GIPC1: variants seen among roughly 807,000 people sequenced by gnomAD.
GIPC1 encodes GIPC PDZ domain containing family member 1, also known as PDZ domain-containing protein GIPC1.
GIPC1 carries 15 observed loss-of-function variants against 28.5 expected under a neutral mutation model. The ratio of observed to expected loss-of-function variants is 0.53; its 90% confidence interval spans 0.35 to 0.81. The LOEUF (loss-of-function observed/expected upper bound fraction) is 0.81. Among genes scored for constraint, GIPC1 ranks in the 30% least tolerant of loss-of-function variants. The pLI is 0.01. For synonymous variants in GIPC1, 224 were observed against 206.1 expected (o/e 1.09, Z -0.74); for missense variants, 439 against 481.9 (o/e 0.91, Z 0.83).
Position 14,478,728 on chromosome 19 carries a change from T to C in GIPC1, c.806A>G (p.Asp269Gly). ...AFEEKAIEKVDDLLESYMGIR... is the reference protein window; with the variant it reads ...AFEEKAIEKVGDLLESYMGIR... ...ACCCATGTAACTCTCCAGCAGGTCA[T>C]CCACCTTCTCAATGGCCTTCTCTTC... Residue 269 changes from aspartate to glycine, a missense_variant, in exon 8 of 9, where the codon GAT (aspartate) becomes GGT (glycine). Coordinates refer to ENST00000393033, the MANE Select transcript of GIPC1 (RefSeq NM_005716.4). The surrounding 1 kb of genome is among the most constrained non-coding windows in gnomAD (Gnocchi z 5.2). 6.2e-7 allele frequency: 1 copy of C among 1,613,786 alleles called. No homozygotes were observed. Among genetic ancestry groups the C allele is most frequent in the Non-Finnish European group, 8.5e-7 (1 of 1,179,898 alleles).
intron 1 of GIPC1, among the ~76,000 whole-genome samples, chr19:14,495,168 C>A (rs2072049282): frequency 6.6e-6 from 1 of 152,330 alleles, no homozygotes; most frequent in Non-Finnish European, 1.5e-5. Context: ...CATCCTGGCC[C>A]CCTGCAGACG....
At chr19:14,490,464 G>A (rs2071944660) in intron 3 of GIPC1, among the ~76,000 whole-genome samples, 2 of 150,682 alleles carry the variant, frequency 1.3e-5, no homozygotes, top group Admixed American at 6.6e-5. Context: ...GATCACCTGA[G>A]GTCGAGAGTT....
In GIPC1 at chr19:14,496,071, G is replaced by GCCGCTGCCT; in HGVS notation, c.-218_-210dup. On this transcript the variant is annotated 5_prime_UTR_variant, in exon 1 of 9. Transcript: ENST00000393033. ...CGCCGCCGCCGCCGCCGCCGCCGCC[G>GCCGCTGCCT]CCGCTGCCTCCGCCTCCCCGTGCGC... 4.1e-6 allele frequency: 1 copy of GCCGCTGCCT among 246,220 alleles called. No individual in the cohort carries two copies. The highest frequency in any genetic ancestry group is 7.6e-6 in the Non-Finnish European group (1 of 131,734). 15.3% of individuals were successfully genotyped at this position (246,220 alleles called of 1,614,324 possible).
intron 1 of GIPC1, among the ~76,000 whole-genome samples, chr19:14,494,751 T>C (rs866560032): frequency 3.3e-5 from 5 of 152,142 alleles, no homozygotes; most frequent in Admixed American, 6.6e-5. Context: ...TGCTGTGCGG[T>C]TGCCAACTGT....
At chr19:14,488,881 G>T (rs1013731733) in intron 3 of GIPC1, among the ~76,000 whole-genome samples, 22 of 151,348 alleles carry the variant, frequency 1.5e-4, no homozygotes, top group Admixed American at 7.3e-4. Flanking sequence ...GAGTGAAGGG[G>T]GGATAGTGAG....
Position 14,478,475 on chromosome 19 carries a change from C to A in GIPC1, c.943G>T (p.Asp315Tyr). 1.2e-6 allele frequency: 2 copies of A among 1,613,506 alleles called. No homozygotes were observed. Among genetic ancestry groups the A allele is most frequent in the South Asian group, 2.2e-5 (2 of 91,046 alleles). ...DERLGDFAFPDEFVFDVWGAI... is the reference protein window; with the variant it reads ...DERLGDFAFPYEFVFDVWGAI... ...CCCCAGACGTCAAAGACGAACTCGT[C>A]AGGGAAGGCAAAGTCACCCAGCCGT... Residue 315 changes from aspartate to tyrosine, a missense_variant, in exon 9 of 9, where the codon GAC becomes TAC. Transcript: ENST00000393033. This position sits in a 1 kb window ranked among gnomAD's most constrained non-coding sequence, Gnocchi z 5.2.
At chr19:14,486,802 C>G (rs1022094644) in intron 3 of GIPC1, among the ~76,000 whole-genome samples, 1 of 149,650 alleles carries the variant, frequency 6.7e-6, no homozygotes, top group African/African-American at 2.5e-5. Flanking sequence ...ACCTCCGCCT[C>G]CTGGGTTCAA....
At chr19:14,482,657 G>C (rs750617436) in intron 4 of GIPC1, 32 bp downstream of exon 4, 8 of 1,605,564 alleles carry the variant, frequency 5.0e-6, no homozygotes, top group Non-Finnish European at 6.8e-6. Context: ...TCCACCATCA[G>C]GGACCCTGGT....
chr19:14,496,064 C>CGCCGCCGCCGCCGCCGCT lies in GIPC1; in HGVS notation c.-203_-202insAGCGGCGGCGGCGGCGGC, dbSNP rs1555723682. 8.0e-5 allele frequency: 20 copies of CGCCGCCGCCGCCGCCGCT among 251,488 alleles called. No homozygotes were observed. In the East Asian group the frequency reaches 8.6e-4, roughly 11 times the overall value. The allele number at this position is 251,488 out of a possible 1,614,324, so 15.6% of individuals were successfully genotyped here. Reference sequence around the variant, plus strand: ...GCTCCGCCGCCGCCGCCGCCGCCGCCGCCGCCGCCGCTGCCTCCGCCTCCC... The same window carrying CGCCGCCGCCGCCGCCGCT: ...GCTCCGCCGCCGCCGCCGCCGCCGCCGCCGCCGCCGCCGCCGCTGCCGCCGCCGCTGCCTCCGCCTCCC... On this transcript the variant is annotated 5_prime_UTR_variant, in exon 1 of 9. Transcript: ENST00000393033.
intron 1 of GIPC1, among the ~76,000 whole-genome samples, chr19:14,494,233 C>G (rs1259656123): frequency 6.6e-6 from 1 of 152,138 alleles, no homozygotes; most frequent in Admixed American, 6.5e-5. Flanking sequence ...GCTGGGATTA[C>G]AGGGGTGAGC....
chr19:14,485,145 G>C (rs1486677875), intron 3 of GIPC1, among the ~76,000 whole-genome samples: 1 of 151,944 alleles, frequency 6.6e-6, no homozygotes, highest in Non-Finnish European at 1.5e-5. Flanking sequence ...GGGCAACAGA[G>C]CAAGACTCAG....
intron 2 of GIPC1, among the ~76,000 whole-genome samples, chr19:14,492,546 T>C (rs1180251757): frequency 6.6e-6 from 1 of 152,156 alleles, no homozygotes. Context: ...GACCTCGTGA[T>C]CCACCTGCCT....
intron 3 of GIPC1, among the ~76,000 whole-genome samples, chr19:14,486,594 A>C (rs1178748372): frequency 6.6e-6 from 1 of 152,142 alleles, no homozygotes; most frequent in East Asian, 1.9e-4. Context: ...CTGAGCCGCA[A>C]TGGAAGTGTA....
chr19:14,489,540 T>C (rs760213912), intron 3 of GIPC1: 3 of 922,026 alleles, frequency 3.3e-6, no homozygotes, highest in Non-Finnish European at 5.5e-6. Context: ...TGGCGACTAG[T>C]GGACAACAGA....
rs751147117 is a variant in GIPC1 at position 14,478,530 on chromosome 19, G to A, written c.888C>T (p.Asn296=). Residue 296 remains asparagine (N), a synonymous_variant, in exon 9 of 9, where the codon AAC becomes AAT. Coordinates refer to ENST00000393033, the MANE Select transcript of GIPC1 (RefSeq NM_005716.4). The surrounding 1 kb of genome is among the most constrained non-coding windows in gnomAD (Gnocchi z 5.2). The part of the protein sequence containing the change: ...TMVELGKDKR[N]PDELAEALDE... ...CCAGGGCCTCGGCCAGCTCATCCGG[G>A]TTCCTTTTGTCCTTTCCCAGCTCCA... 3.1e-6 allele frequency: 5 copies of A among 1,614,006 alleles called. No individual in the cohort carries two copies. The highest frequency in any genetic ancestry group is 3.4e-6 in the Non-Finnish European group (4 of 1,180,030).
At chr19:14,488,730 G>A (rs540424516) in intron 3 of GIPC1, among the ~76,000 whole-genome samples, 4 of 147,268 alleles carry the variant, frequency 2.7e-5, no homozygotes, top group African/African-American at 5.0e-5. Context: ...CTGAGATCAC[G>A]CCATTGCACT....
intron 3 of GIPC1, among the ~76,000 whole-genome samples, chr19:14,485,702 T>TATATATATATAGAGAGAGAGAGAG (rs1300117748): frequency 1.7e-5 from 1 of 58,792 alleles, no homozygotes; most frequent in Non-Finnish European, 3.7e-5. Flanking sequence ...TATATATATA[T>TATATATATATAGAGAGAGAGAGAG]AGAGAGAGAG....
At chr19:14,479,625 C>T (rs1599346022) in intron 6 of GIPC1, 101 bp from the exon 7 acceptor site, 1 of 557,772 alleles carries the variant, frequency 1.8e-6, no homozygotes, top group East Asian at 3.5e-5. Context: ...CCCCAAACTT[C>T]TCCAGGCTTC....
intron 2 of GIPC1, among the ~76,000 whole-genome samples, chr19:14,492,542 G>A (rs1236199934): frequency 1.3e-5 from 2 of 152,112 alleles, no homozygotes; most frequent in African/African-American, 2.4e-5. Context: ...CCCTGACCTC[G>A]TGATCCACCT....
Sources: allele counts gnomAD v4.1 joint callset (sites outside exome capture counted in the v4.1 genomes callset), GRCh38; gene constraint gnomAD v4.1.1; non-coding constraint Gnocchi (gnomAD v3.1); transcripts MANE v1.5; gene names NCBI Gene and HGNC (gene_info 2026-07-23, HGNC 2026-07-21).